Variants in BCAN observed in about 807,000 individuals in gnomAD.
BCAN encodes the protein brevican core protein.
In BCAN, 51 loss-of-function variants were observed where a neutral mutation model predicts 92.4. That is an observed-to-expected ratio of 0.55 (90% confidence interval 0.44 to 0.70). The LOEUF (loss-of-function observed/expected upper bound fraction) is 0.70. Ranked by LOEUF, BCAN falls within the 30% of genes least tolerant of loss-of-function variation. The pLI, the probability that BCAN is intolerant of heterozygous loss-of-function variation, is 0.00. For missense variants in BCAN, 1,140 were observed against 1,212.1 expected (o/e 0.94, Z 0.88); for synonymous variants, 501 against 505.2 (o/e 0.99, Z 0.11).
chr1:156,658,341 G>A lies in BCAN; in HGVS notation c.2437+70G>A. On this transcript the variant is annotated intron_variant, in intron 12 of 13. Transcript: ENST00000329117. The surrounding 1 kb of genome is among the most constrained non-coding windows in gnomAD (Gnocchi z 4.4). ...GGGCTAGGGGACCAGAGGGACTGAT[G>A]TTTGTAGACAGAGAGTGCAAAGCAA... 6.3e-7 allele frequency: 1 copy of A among 1,575,082 alleles called. No homozygotes were observed. The highest frequency in any genetic ancestry group is 1.7e-4 in the Middle Eastern group (1 of 5,844).
chr1:156,643,189 C>T (rs1678846610), intron 1 of BCAN: 1 of 152,186 alleles, frequency 6.6e-6, no homozygotes. Flanking sequence ...TTAGACCCAC[C>T]CACAGTATTA....
chr1:156,654,585 C>G (rs989587800), intron 8 of BCAN, among the ~76,000 whole-genome samples: 2 of 152,200 alleles, frequency 1.3e-5, no homozygotes, highest in African/African-American at 4.8e-5. Flanking sequence ...ACTCTGCCTG[C>G]GCTGGGTTCA....
Position 156,658,168 on chromosome 1 carries a change from C to T in BCAN, c.2334C>T (p.Phe778=). 3 of 1,614,120 alleles carry T rather than the reference C, an allele frequency of 1.9e-6. No homozygotes were observed. Among genetic ancestry groups the T allele is most frequent in the South Asian group, 1.1e-5 (1 of 91,078 alleles). The stretch of plus-strand genomic sequence containing the variant: ...ACCCTGGGCAGCCTGACAGCTACTT[C>T]CTGTCTGGAGAGAACTGCGTGGTCA... The part of the protein sequence containing the change: ...NWNPGQPDSY[F]LSGENCVVMV... Residue 778 remains phenylalanine (F), a synonymous_variant, in exon 12 of 14, where the codon TTC becomes TTT. Coordinates refer to ENST00000329117, the MANE Select transcript of BCAN (RefSeq NM_021948.5). The surrounding 1 kb of genome is among the most constrained non-coding windows in gnomAD (Gnocchi z 4.4).
At chr1:156,651,420 A>G (rs1222055107) in intron 6 of BCAN, 36 bp from the exon 7 acceptor site, 4 of 1,564,964 alleles carry the variant, frequency 2.6e-6, no homozygotes, top group Non-Finnish European at 3.5e-6. Flanking sequence ...AGAGCTACCT[A>G]TTCAGGCTCG....
rs1679221972 is a variant in BCAN, at chr1:156,652,870, A to T, written c.1920A>T (p.Gly640=). 3 of 1,613,772 alleles carry T rather than the reference A, an allele frequency of 1.9e-6. No homozygotes were observed. Among genetic ancestry groups the T allele is most frequent in the Admixed American group, 3.3e-5 (2 of 60,018 alleles). ...CCACTGACAGCGCCAGCCGAGGTGG[A>T]GTGGCCGTGGTCCCCGCATCAGGTA... The part of the protein sequence containing the change: ...VLPTDSASRG[G]VAVVPASGDC... The change falls in exon 8 of 14, where the codon GGA becomes GGT. Residue 640 remains glycine (G), a synonymous_variant. Coordinates refer to ENST00000329117, the MANE Select transcript of BCAN (RefSeq NM_021948.5).
intron 5 of BCAN, 38 bp downstream of exon 5, chr1:156,648,148 T>C: frequency 1.2e-6 from 2 of 1,602,362 alleles, no homozygotes; most frequent in Non-Finnish European, 1.7e-6. Context: ...GACAATTTCC[T>C]ACTCCCATGC....
chr1:156,647,287 C>A lies in BCAN; in HGVS notation c.466+112C>A. ...AAGCAAAGGTAGCTGGAAGGCGCAGCCTGGGTTGGAAAAAGAGTGAGGAGA... is the reference window on the plus strand; with the variant it reads ...AAGCAAAGGTAGCTGGAAGGCGCAGACTGGGTTGGAAAAAGAGTGAGGAGA... On this transcript the variant is annotated intron_variant, in intron 3 of 13. Coordinates refer to ENST00000329117, the MANE Select transcript of BCAN (RefSeq NM_021948.5). The surrounding 1 kb of genome is among the most constrained non-coding windows in gnomAD (Gnocchi z 4.8). 1.5e-6 allele frequency: 2 copies of A among 1,351,624 alleles called. No individual in the cohort carries two copies. The highest frequency in any genetic ancestry group is 5.2e-5 in the East Asian group (2 of 38,720). 83.7% of individuals were successfully genotyped at this position (1,351,624 alleles called of 1,614,324 possible). A position where few individuals can be genotyped will look rare whatever the true frequency, so the allele number is the denominator to read the frequency against.
rs771794683 is a variant in BCAN, at chr1:156,658,596, C to A, written c.2491C>A (p.Arg831=). 2 of 1,613,940 alleles carry A rather than the reference C, an allele frequency of 1.2e-6. No individual in the cohort carries two copies. Among genetic ancestry groups the A allele is most frequent in the African/African-American group, 2.7e-5 (2 of 74,946 alleles). Reference sequence around the variant, plus strand: ...CCTGGCTCAAGTGTTCGGCCGCCCACGGCTGCGCTATGAGGTGGACACTGT... The same window carrying A: ...CCTGGCTCAAGTGTTCGGCCGCCCAAGGCTGCGCTATGAGGTGGACACTGT... The part of the protein sequence containing the change: ...LPLAQVFGRP[R]LRYEVDTVLR... Residue 831 remains arginine (R), a synonymous_variant, in exon 13 of 14, where the codon CGG becomes AGG. Coordinates refer to ENST00000329117, the MANE Select transcript of BCAN (RefSeq NM_021948.5). The surrounding 1 kb of genome is among the most constrained non-coding windows in gnomAD (Gnocchi z 4.4).
Position 156,651,595 on chromosome 1 carries a change from C to T in BCAN, c.1203C>T (p.Ser401=). The T allele has an allele frequency of 1.2e-6, 2 of 1,613,902 alleles. No individual in the cohort carries two copies. The highest frequency in any genetic ancestry group is 2.2e-5 in the South Asian group (2 of 91,070). Residue 401 remains serine (S), a synonymous_variant, in exon 7 of 14, where the codon TCC becomes TCT. Transcript: ENST00000329117. ...CTCAGGAAGCCACAGAGAGTGAATC[C>T]CGTGGGGCCATCTACTCCATCCCCA... ...QLPQEATESE[S]RGAIYSIPIM... is the part of the protein sequence containing the mutation.
chr1:156,653,413 G>C (rs1354630576), intron 8 of BCAN: 1 of 995,934 alleles, frequency 1.0e-6, no homozygotes, highest in Non-Finnish European at 1.2e-6. Flanking sequence ...AGTATTTTTT[G>C]ACTGTTTCAT....
chr1:156,645,709 GT>G (rs928894312), intron 1 of BCAN, among the ~76,000 whole-genome samples: 2 of 152,144 alleles, frequency 1.3e-5, no homozygotes, highest in African/African-American at 4.8e-5. Context: ...TTGTACAGGA[GT>G]TTTAAGATAC....
At chr1:156,655,094 T>A (rs1679288888) in intron 8 of BCAN, among the ~76,000 whole-genome samples, 1 of 152,034 alleles carries the variant, frequency 6.6e-6, no homozygotes. Context: ...TGCCCTGGAG[T>A]GGTTTTGCCT....
At position 156,651,614 on chromosome 1, in the gene BCAN, A is replaced by G; in HGVS notation, c.1222A>G (p.Ile408Val). The change falls in exon 7 of 14, where the codon ATC (isoleucine) becomes GTC (valine). Residue 408 changes from isoleucine to valine, a missense_variant. Physicochemically the swap from Ile to Val is conservative, Grantham distance 29. This residue lies in a region of BCAN where 825 missense variants were observed against 871.8 expected (regional missense o/e 0.95). Transcript: ENST00000329117. ...TGAATCCCGTGGGGCCATCTACTCC[A>G]TCCCCATCATGGAGGACGGAGGAGG... is the stretch of plus-strand genomic sequence containing the variant. ...ESESRGAIYSIPIMEDGGGGS... is the reference protein window; with the variant it reads ...ESESRGAIYSVPIMEDGGGGS... 1 of 1,613,872 alleles carries G rather than the reference A, an allele frequency of 6.2e-7. No individual in the cohort carries two copies. Among genetic ancestry groups the G allele is most frequent in the East Asian group, 2.2e-5 (1 of 44,880 alleles).
At position 156,658,657 on chromosome 1, in the gene BCAN, G is replaced by A. The variant is rs1679423809; in HGVS notation, c.2552G>A (p.Arg851His). ...CGGTGCCGGGAAGGACTGGCCCAGC[G>A]CAATCTGCCGCTGATCCGATGCCAA... ...RYRCREGLAQ[R>H]NLPLIRCQEN... is the part of the protein sequence containing the mutation. The change falls in exon 13 of 14, where the codon CGC (arginine) becomes CAC (histidine). Residue 851 changes from arginine (R) to histidine (H), a missense_variant. Coordinates refer to ENST00000329117, the MANE Select transcript of BCAN (RefSeq NM_021948.5). The surrounding 1 kb of genome is among the most constrained non-coding windows in gnomAD (Gnocchi z 4.4). The A allele has an allele frequency of 3.7e-6, 6 of 1,614,060 alleles. No homozygotes were observed. Among genetic ancestry groups the A allele is most frequent in the South Asian group, 3.3e-5 (3 of 91,094 alleles).
At position 156,647,847 on chromosome 1, in the gene BCAN, T is replaced by G. The variant is rs1335250142; in HGVS notation, c.642-136T>G. On this transcript the variant is annotated intron_variant, in intron 4 of 13. Coordinates refer to ENST00000329117, the MANE Select transcript of BCAN (RefSeq NM_021948.5). The surrounding 1 kb of genome is among the most constrained non-coding windows in gnomAD (Gnocchi z 4.8). Reference sequence around the variant, plus strand: ...GAGGTGAGGACCCTGAGCATGTGCATCCCTGCAGTGCTAGAAGGACAGCCA... The same window carrying G: ...GAGGTGAGGACCCTGAGCATGTGCAGCCCTGCAGTGCTAGAAGGACAGCCA... The G allele has an allele frequency of 6.5e-7, 1 of 1,537,694 alleles. No homozygotes were observed. The highest frequency in any genetic ancestry group is 9.0e-7 in the Non-Finnish European group (1 of 1,113,388).
In BCAN at chr1:156,658,808, G is replaced by A. The variant is rs1679429215; in HGVS notation, c.2628+75G>A. ...AGCCTTGGACTCCACTTAAAGTCCTGCCTGTCACTGGCCATGTGACCTTGG... is the reference window on the plus strand; with the variant it reads ...AGCCTTGGACTCCACTTAAAGTCCTACCTGTCACTGGCCATGTGACCTTGG... On this transcript the variant is annotated intron_variant, in intron 13 of 13. Transcript: ENST00000329117. This position sits in a 1 kb window ranked among gnomAD's most constrained non-coding sequence, Gnocchi z 4.4. 13 of 1,579,494 alleles carry A rather than the reference G, an allele frequency of 8.2e-6. No individual in the cohort carries two copies. The East Asian group carries it at 2.9e-4, about 36-fold the overall frequency.
Position 156,646,915 on chromosome 1 carries a change from G to A in BCAN, c.206G>A (p.Arg69Gln), listed in dbSNP as rs1678997851. The change falls in exon 3 of 14, where the codon CGG (arginine) becomes CAG (glutamine). Residue 69 changes from arginine (R) to glutamine (Q), a missense_variant. Around this residue, in one of 3 missense-constraint regions of BCAN, gnomAD observed 286 missense variants for 284.1 expected, o/e 1.01. Transcript: ENST00000329117. ...VHYLRPPPSR[R>Q]AVLGSPRVKW... ...TACCTGCGGCCACCGCCGAGCCGCC[G>A]GGCTGTGCTGGGCTCTCCGCGGGTC... is the stretch of plus-strand genomic sequence containing the variant. The A allele has an allele frequency of 5.6e-6, 9 of 1,611,904 alleles. No individual in the cohort carries two copies. Among genetic ancestry groups the A allele is most frequent in the Non-Finnish European group, 7.6e-6 (9 of 1,179,262 alleles).
intron 1 of BCAN, among the ~76,000 whole-genome samples, chr1:156,645,078 G>A (rs1678915827): frequency 1.3e-5 from 2 of 152,178 alleles, no homozygotes; most frequent in South Asian, 2.1e-4. Flanking sequence ...CTTTTTATGA[G>A]AGTGTAAGTG....
In BCAN at chr1:156,659,076, T is replaced by A. The variant is rs1323919670; in HGVS notation, c.2678T>A (p.Leu893Gln). The change falls in exon 14 of 14, where the codon CTA (leucine) becomes CAA (glutamine). Residue 893 changes from leucine (L) to glutamine (Q), a missense_variant. Leu to Gln is a moderately radical substitution (Grantham distance 113). Coordinates refer to ENST00000329117, the MANE Select transcript of BCAN (RefSeq NM_021948.5). ...EEDPEGRQGRLLGRWKALLIP... is the reference protein window; with the variant it reads ...EEDPEGRQGRQLGRWKALLIP... ...GACCCAGAAGGACGTCAGGGGAGGC[T>A]ACTGGGACGCTGGAAGGCGCTGTTG... 1 of 1,600,252 alleles carries A rather than the reference T, an allele frequency of 6.2e-7. No individual in the cohort carries two copies. Among genetic ancestry groups the A allele is most frequent in the South Asian group, 1.1e-5 (1 of 87,924 alleles).
Sources: gnomAD v4.1 joint callset for allele counts (sites outside exome capture counted in the v4.1 genomes callset) on GRCh38, gnomAD v4.1.1 for gene constraint, gnomAD v4.1.1 regional missense constraint, Gnocchi (gnomAD v3.1) non-coding constraint, MANE v1.5 for transcripts, NCBI Gene and HGNC (gene_info 2026-07-23, HGNC 2026-07-21) for gene names.